The following RGS7 variants were observed in gnomAD, a reference collection of about 807,000 sequenced individuals.
The protein encoded by RGS7 is regulator of G protein signaling 7, also known as regulator of G-protein signaling 7.
Under a neutral mutation model 81.1 loss-of-function variants are expected in RGS7, and 27 were observed. The observed-to-expected ratio is 0.33, with a 90% CI of 0.25 to 0.46. RGS7 has a LOEUF of 0.46. RGS7 is among the 20% of genes least tolerant of loss of function. The pLI is 1.00. For missense variants in RGS7, 396 were observed against 607.4 expected (o/e 0.65, Z 3.66); for synonymous variants, 208 against 207.7 (o/e 1.00, Z -0.01).
rs1320394484 is a variant in RGS7, at chr1:241,292,123, G to A, written c.78+63576C>T. Among the ~76,000 whole-genome samples the A allele has an allele frequency of 3.3e-5, 5 of 152,106 alleles. No individual in the cohort carries two copies. In the East Asian group the frequency reaches 9.7e-4, roughly 29 times the overall value. ...GTCTTCAGAGGCGGTAATATGCATG[G>A]AGCTGTCGTCTCCTGTGACAACAAT... is the stretch of plus-strand genomic sequence containing the variant. On this transcript the variant is annotated intron_variant, in intron 2 of 18. Coordinates refer to ENST00000440928, the MANE Select transcript of RGS7 (RefSeq NM_001364886.1).
chr1:241,155,925 A>G (rs1050237424), intron 2 of RGS7, among the ~76,000 whole-genome samples: 2 of 152,148 alleles, frequency 1.3e-5, no homozygotes, highest in African/African-American at 2.4e-5. Flanking sequence ...AGTACTTCTT[A>G]GTCCTTTCTT....
At chr1:240,822,833 G>A (rs1432682716) in intron 10 of RGS7, among the ~76,000 whole-genome samples, 4 of 152,106 alleles carry the variant, frequency 2.6e-5, no homozygotes, top group Non-Finnish European at 4.4e-5. Flanking sequence ...GCATGATATG[G>A]TAACTACACT....
intron 2 of RGS7, among the ~76,000 whole-genome samples, chr1:241,129,438 C>G (rs1040798609): frequency 4.5e-5 from 6 of 134,388 alleles, no homozygotes; most frequent in African/African-American, 2.4e-4. Flanking sequence ...TTCCCAGCCA[C>G]GACATTATCA....
At chr1:241,309,035 C>T (rs1240388970) in intron 2 of RGS7, among the ~76,000 whole-genome samples, 1 of 152,082 alleles carries the variant, frequency 6.6e-6, no homozygotes, top group Non-Finnish European at 1.5e-5. Flanking sequence ...ATTTTCTTTG[C>T]ATCTCTCACA....
intron 2 of RGS7, among the ~76,000 whole-genome samples, chr1:241,176,932 T>G (rs539966614): frequency 2.6e-4 from 39 of 152,180 alleles, no homozygotes; most frequent in African/African-American, 9.2e-4. Flanking sequence ...TGAGTAAAAT[T>G]GATATGTCAC....
At chr1:241,101,709 A>G (rs78819605) in intron 2 of RGS7, among the ~76,000 whole-genome samples, 2,340 of 152,230 alleles carry the variant, frequency 0.015, 30 homozygotes, top group Middle Eastern at 0.027. Context: ...ACCTGCCACA[A>G]TGTTCAGAAA....
chr1:241,292,109 C>T (rs7539742), intron 2 of RGS7, among the ~76,000 whole-genome samples: 18,731 of 152,112 alleles, frequency 0.12, 1,294 homozygotes, highest in Middle Eastern at 0.17. Context: ...TCTTCAGAGG[C>T]GGTAATATGC....
intron 2 of RGS7, among the ~76,000 whole-genome samples, chr1:241,127,239 G>A (rs2066724565): frequency 6.6e-6 from 1 of 152,054 alleles, no homozygotes; most frequent in Admixed American, 6.6e-5. Flanking sequence ...AAATGTTTGG[G>A]CAATTTGTTC....
intron 6 of RGS7, among the ~76,000 whole-genome samples, chr1:240,927,845 G>A (rs571373527): frequency 3.3e-5 from 5 of 152,300 alleles, no homozygotes; most frequent in South Asian, 4.1e-4. Flanking sequence ...TAAGTAGCAA[G>A]TATTCCAGGT....
chr1:241,032,245 T>C (rs1401586968), intron 3 of RGS7, among the ~76,000 whole-genome samples: 1 of 152,228 alleles, frequency 6.6e-6, no homozygotes, highest in Non-Finnish European at 1.5e-5. Flanking sequence ...CTTTCTCCAG[T>C]GCATAAGTTT....
At chr1:241,032,868 A>G (rs1204029902) in intron 3 of RGS7, among the ~76,000 whole-genome samples, 1 of 152,194 alleles carries the variant, frequency 6.6e-6, no homozygotes, top group Non-Finnish European at 1.5e-5. Flanking sequence ...ATACAATCAA[A>G]TAGTCTTTTG....
At chr1:241,059,940 T>C (rs1015696411) in intron 3 of RGS7, among the ~76,000 whole-genome samples, 7 of 152,168 alleles carry the variant, frequency 4.6e-5, no homozygotes, top group African/African-American at 1.4e-4. Context: ...TCTTAACTTC[T>C]CCCATTCTCA....
chr1:241,056,813 G>A (rs1053663363), intron 3 of RGS7, among the ~76,000 whole-genome samples: 1 of 152,112 alleles, frequency 6.6e-6, no homozygotes, highest in Non-Finnish European at 1.5e-5. Flanking sequence ...CATTTAATAG[G>A]CAGTGGTTTC....
intron 3 of RGS7, among the ~76,000 whole-genome samples, chr1:241,078,501 G>GTGTGTGTGTGTA (rs1553411237): frequency 2.6e-5 from 4 of 151,278 alleles, no homozygotes; most frequent in African/African-American, 9.7e-5. Flanking sequence ...GTGTGTGTGT[G>GTGTGTGTGTGTA]TATATACACA....
intron 3 of RGS7, among the ~76,000 whole-genome samples, chr1:241,037,657 G>T (rs1384788677): frequency 6.6e-6 from 1 of 151,482 alleles, no homozygotes; most frequent in Non-Finnish European, 1.5e-5. Flanking sequence ...GGACGTGGAG[G>T]TTGCAGTGAG....
At chr1:240,862,554 C>T (rs1277732403) in intron 9 of RGS7, among the ~76,000 whole-genome samples, 1 of 152,040 alleles carries the variant, frequency 6.6e-6, no homozygotes, top group African/African-American at 2.4e-5. Context: ...CAGGTGTTAC[C>T]TGGTTTTTTT....
intron 3 of RGS7, among the ~76,000 whole-genome samples, chr1:241,073,905 C>CTTT (rs200571282): frequency 7.1e-6 from 1 of 141,600 alleles, no homozygotes; most frequent in Non-Finnish European, 1.5e-5. Flanking sequence ...CTCTTCGTTC[C>CTTT]TTTTTTTTTT....
chr1:240,865,685 T>A (rs374847360), intron 9 of RGS7, among the ~76,000 whole-genome samples: 1 of 152,242 alleles, frequency 6.6e-6, no homozygotes, highest in Non-Finnish European at 1.5e-5. Flanking sequence ...TAGGATTGAT[T>A]ATGACAACTG....
intron 6 of RGS7, among the ~76,000 whole-genome samples, chr1:240,915,157 GTTC>G (rs1572738871): frequency 6.6e-6 from 1 of 152,118 alleles, no homozygotes; most frequent in African/African-American, 2.4e-5. Flanking sequence ...AGGTCACTCT[GTTC>G]TTCTTATGGC....
Sources: allele counts gnomAD v4.1 joint callset (sites outside exome capture counted in the v4.1 genomes callset), GRCh38; gene constraint gnomAD v4.1.1; transcripts MANE v1.5; gene names NCBI Gene and HGNC (gene_info 2026-07-23, HGNC 2026-07-21).